The following COA5 variants were observed in gnomAD, a reference collection of about 807,000 sequenced individuals.
COA5 encodes cytochrome c oxidase assembly factor 5.
In COA5, 11 loss-of-function variants were observed where a neutral mutation model predicts 11.8. The observed-to-expected ratio is 0.93, with a 90% confidence interval of 0.59 to 1.54. COA5 has a LOEUF of 1.54. COA5 is among the 40% of genes most tolerant of loss of function. The probability of loss-of-function intolerance (pLI) is 0.00; values close to 1 mark genes in which losing one functional copy is unlikely to be tolerated. For synonymous variants in COA5, 38 were observed against 37.5 expected, an observed-to-expected ratio of 1.01 and a Z score of -0.05; for missense variants, 87 against 89.2, an observed-to-expected ratio of 0.97 and a Z score of 0.10.
chr2:98,601,177 G>A (rs1182853407), intron 2 of COA5, among the ~76,000 whole-genome samples: 2 of 152,000 alleles, frequency 1.3e-5, no homozygotes, highest in African/African-American at 2.4e-5. Flanking sequence ...CCTGGGAGGT[G>A]GAGGTTGCAG....
In COA5 at chr2:98,600,673, T is replaced by C. The variant is rs183522750; in HGVS notation, c.*79A>G. On this transcript the variant is annotated 3_prime_UTR_variant, in exon 3 of 3. Coordinates refer to ENST00000328709, the MANE Select transcript of COA5 (RefSeq NM_001008215.3). ...AACCAAACAGATGTAGTAAAAAGTA[T>C]GTTTCCTGTTTTGGCTTCTTTGTGT... 2 of 1,234,658 alleles carry C rather than the reference T, an allele frequency of 1.6e-6. No homozygotes were observed. The highest frequency in any genetic ancestry group is 1.9e-4 in the Middle Eastern group (1 of 5,344). 76.5% of individuals were successfully genotyped at this position (1,234,658 alleles called of 1,614,324 possible).
intron 2 of COA5, among the ~76,000 whole-genome samples, chr2:98,602,126 G>C (rs1483373266): frequency 6.6e-6 from 1 of 152,108 alleles, no homozygotes; most frequent in Non-Finnish European, 1.5e-5. Flanking sequence ...TAAAACACAG[G>C]AATCAGGATG....
rs1249572850 is a variant in COA5 at position 98,608,336 on chromosome 2, A to C, written c.70T>G (p.Cys24Gly). ...ACCACACAGTCCGACTGCAGCAGAC[A>C]CGCGCCCAGGTCCTCCTTCAGGCCC... ...CAGLKEDLGA[C>G]LLQSDCVVQE... The change falls in exon 1 of 3, where the codon TGT becomes GGT. Residue 24 changes from cysteine to glycine, a missense_variant. Physicochemically the swap from Cys to Gly is radical, Grantham distance 159. Coordinates refer to ENST00000328709, the MANE Select transcript of COA5 (RefSeq NM_001008215.3). 1 of 1,608,922 alleles carries C rather than the reference A, an allele frequency of 6.2e-7. No homozygotes were observed. The highest frequency in any genetic ancestry group is 8.5e-7 in the Non-Finnish European group (1 of 1,178,470).
intron 2 of COA5, among the ~76,000 whole-genome samples, chr2:98,601,866 G>A (rs947076375): frequency 3.3e-5 from 5 of 152,120 alleles, no homozygotes; most frequent in Admixed American, 1.3e-4. Context: ...AGAATCTAAT[G>A]CCTGATGACC....
At chr2:98,607,929 A>G (rs963885059) in intron 1 of COA5, among the ~76,000 whole-genome samples, 1 of 152,236 alleles carries the variant, frequency 6.6e-6, no homozygotes, top group African/African-American at 2.4e-5. Context: ...AGGGCAGTGT[A>G]CCAGGTTTAC....
intron 1 of COA5, among the ~76,000 whole-genome samples, chr2:98,607,397 T>C (rs941995930): frequency 1.3e-5 from 2 of 152,232 alleles, no homozygotes; most frequent in African/African-American, 4.8e-5. Context: ...AAATTTATAA[T>C]AACTCAAGTT....
chr2:98,608,454 C>T lies in COA5; in HGVS notation c.-49G>A, dbSNP rs1427665786. ...GACGCGACTTTCTCCCACCGCAACA[C>T]TTGCAACCGGGTCGGGAGCGAGCGA... is the stretch of plus-strand genomic sequence containing the variant. On this transcript the variant is annotated 5_prime_UTR_variant, in exon 1 of 3. The change creates a new upstream start codon in the 5' untranslated region. Coordinates refer to ENST00000328709, the MANE Select transcript of COA5 (RefSeq NM_001008215.3). 1 of 1,405,346 alleles carries T rather than the reference C, an allele frequency of 7.1e-7. No individual in the cohort carries two copies. The highest frequency in any genetic ancestry group is 9.8e-7 in the Non-Finnish European group (1 of 1,018,352). 87.1% of individuals were successfully genotyped at this position (1,405,346 alleles called of 1,614,324 possible). A position where few individuals can be genotyped will look rare whatever the true frequency, so the allele number is the denominator to read the frequency against.
Position 98,600,439 on chromosome 2 carries a change from T to G in COA5, c.*313A>C. 1 of 404,534 alleles carries G rather than the reference T, an allele frequency of 2.5e-6. No individual in the cohort carries two copies. The highest frequency in any genetic ancestry group is 2.4e-5 in the South Asian group (1 of 40,900). 25.1% of individuals were successfully genotyped at this position (404,534 alleles called of 1,614,324 possible). A position where few individuals can be genotyped will look rare whatever the true frequency, so the allele number is the denominator to read the frequency against. ...GCCTGTACTAATTGGGTAATTCAAT[T>G]GAAGAGTCAAGTTTGCAAATAACAG... On this transcript the variant is annotated 3_prime_UTR_variant, in exon 3 of 3. Coordinates refer to ENST00000328709, the MANE Select transcript of COA5 (RefSeq NM_001008215.3).
At chr2:98,608,120 T>A (rs1700735403) in intron 1 of COA5, 187 bp downstream of exon 1, 1 of 612,434 alleles carries the variant, frequency 1.6e-6, no homozygotes, top group Non-Finnish European at 2.9e-6. Context: ...TTATCTCCGA[T>A]TTAACCCCAC....
chr2:98,602,104 A>T (rs972372626), intron 2 of COA5, among the ~76,000 whole-genome samples: 5 of 151,998 alleles, frequency 3.3e-5, no homozygotes, highest in East Asian at 1.9e-4. Context: ...CCATACTTTT[A>T]AAAAAAAATT....
At position 98,608,442 on chromosome 2, in the gene COA5, C is replaced by G; in HGVS notation, c.-37G>C. ...CCCTCCGATGCGGACGCGACTTTCT[C>G]CCACCGCAACACTTGCAACCGGGTC... On this transcript the variant is annotated 5_prime_UTR_variant, in exon 1 of 3. Coordinates refer to ENST00000328709, the MANE Select transcript of COA5 (RefSeq NM_001008215.3). 6.8e-7 allele frequency: 1 copy of G among 1,466,848 alleles called. No individual in the cohort carries two copies. Among genetic ancestry groups the G allele is most frequent in the East Asian group, 2.4e-5 (1 of 41,868 alleles). The allele number at this position is 1,466,848 out of a possible 1,614,324, so 90.9% of individuals were successfully genotyped here. A position where few individuals can be genotyped will look rare whatever the true frequency, so the allele number is the denominator to read the frequency against.
Position 98,600,072 on chromosome 2 carries a change from G to A in COA5, c.*680C>T. 1 of 152,364 alleles carries A rather than the reference G, an allele frequency of 6.6e-6. No individual in the cohort carries two copies. Among genetic ancestry groups the A allele is most frequent in the Non-Finnish European group, 1.5e-5 (1 of 68,144 alleles). The allele number at this position is 152,364 out of a possible 1,614,324, so 9.4% of individuals were successfully genotyped here. ...CTCCCTTTTGAATCATGGATAATAAGGATGTGGACTTGGAGCTGACACTGG... is the reference window on the plus strand; with the variant it reads ...CTCCCTTTTGAATCATGGATAATAAAGATGTGGACTTGGAGCTGACACTGG... On this transcript the variant is annotated 3_prime_UTR_variant, in exon 3 of 3. Transcript: ENST00000328709.
chr2:98,608,395 T>C lies in COA5; in HGVS notation c.11A>G (p.Tyr4Cys). 6.2e-7 allele frequency: 1 copy of C among 1,600,908 alleles called. No individual in the cohort carries two copies. The highest frequency in any genetic ancestry group is 2.3e-5 in the East Asian group (1 of 44,408). The change falls in exon 1 of 3, where the codon TAT becomes TGT. Residue 4 changes from tyrosine (Y) to cysteine (C), a missense_variant. Coordinates refer to ENST00000328709, the MANE Select transcript of COA5 (RefSeq NM_001008215.3). Reference protein sequence around the residue: MPKYYEDKPQGGAC... With the variant: MPKCYEDKPQGGAC... ...GCCGCCCTGCGGCTTGTCCTCATAATACTTAGGCATGACGGCGCTTCCCCT... is the reference window on the plus strand; with the variant it reads ...GCCGCCCTGCGGCTTGTCCTCATAACACTTAGGCATGACGGCGCTTCCCCT...
At chr2:98,605,028 C>G (rs993057910) in intron 1 of COA5, among the ~76,000 whole-genome samples, 4 of 152,222 alleles carry the variant, frequency 2.6e-5, no homozygotes, top group African/African-American at 9.6e-5. Context: ...AGTTTATAAG[C>G]TGATGCCTCT....
intron 2 of COA5, among the ~76,000 whole-genome samples, chr2:98,601,930 GGAAA>G (rs2106592584): frequency 6.6e-6 from 1 of 152,220 alleles, no homozygotes; most frequent in Non-Finnish European, 1.5e-5. Context: ...CCCCGTCCGT[GGAAA>G]GATTGTCTTC....
At chr2:98,603,654 AT>A (rs1230954435) in intron 2 of COA5, among the ~76,000 whole-genome samples, 3 of 152,108 alleles carry the variant, frequency 2.0e-5, no homozygotes, top group African/African-American at 7.2e-5. Context: ...AACCCCAGAG[AT>A]TTGTAATCTC....
chr2:98,607,903 G>A (rs903915958), intron 1 of COA5, among the ~76,000 whole-genome samples: 3 of 152,204 alleles, frequency 2.0e-5, no homozygotes, highest in Admixed American at 6.5e-5. Context: ...TGAACAGGCA[G>A]GAGACACTAC....
At chr2:98,604,286 G>T in intron 1 of COA5, 95 bp from the exon 2 acceptor site, 1 of 953,962 alleles carries the variant, frequency 1.0e-6, no homozygotes, top group Non-Finnish European at 1.7e-6. Flanking sequence ...TTTTAAAAGT[G>T]TTAAAGGAGG....
chr2:98,604,283 AGT>A, intron 1 of COA5, 92 bp from the exon 2 acceptor site: 1 of 999,000 alleles, frequency 1.0e-6, no homozygotes, highest in Non-Finnish European at 1.6e-6. Context: ...CCTTTTTAAA[AGT>A]GTTAAAGGAG....
Sources: allele counts gnomAD v4.1 joint callset (sites outside exome capture counted in the v4.1 genomes callset), GRCh38; gene constraint gnomAD v4.1.1; transcripts MANE v1.5; gene names NCBI Gene and HGNC (gene_info 2026-07-23, HGNC 2026-07-21).